FAT3: variants seen among roughly 807,000 people sequenced by gnomAD.
FAT3 encodes the protein protocadherin Fat 3.
A neutral mutation model predicts 310.2 loss-of-function variants in FAT3; 95 were observed. The ratio of observed to expected loss-of-function variants is 0.31; its 90% CI spans 0.26 to 0.36. The LOEUF (loss-of-function observed/expected upper bound fraction) is 0.36, where lower values mean the gene tolerates loss of function less well. Among genes scored for constraint, FAT3 ranks in the 10% least tolerant of loss-of-function variants. FAT3 has a pLI of 1.00. For synonymous variants in FAT3, 2,314 were observed against 2,192.9 expected (o/e 1.06, Z -1.54); for missense variants, 5,408 against 5,715.6 (o/e 0.95, Z 1.74).
intron 10 of FAT3, among the ~76,000 whole-genome samples, chr11:92,804,635 C>T (rs58775728): frequency 0.015 from 2,217 of 152,236 alleles, 67 homozygotes; most frequent in African/African-American, 0.051. Context: ...CCTCCTCTGT[C>T]GTGAAAACTT....
intron 3 of FAT3, among the ~76,000 whole-genome samples, chr11:92,592,588 G>A (rs1353004067): frequency 6.6e-6 from 1 of 151,870 alleles, no homozygotes; most frequent in Non-Finnish European, 1.5e-5. Context: ...CCAAAGTGCT[G>A]GGATTACAGG....
At chr11:92,533,002 G>T (rs1220554063) in intron 3 of FAT3, among the ~76,000 whole-genome samples, 2 of 152,102 alleles carry the variant, frequency 1.3e-5, no homozygotes, top group Non-Finnish European at 2.9e-5. Flanking sequence ...AACTGCAGAT[G>T]CATAGGGACT....
chr11:92,856,319 G>GT (rs71473977), intron 19 of FAT3, among the ~76,000 whole-genome samples: 32,908 of 151,986 alleles, frequency 0.22, 4,017 homozygotes, highest in Admixed American at 0.28. Flanking sequence ...TCAGTTGTGG[G>GT]TTTTTTTAAA....
chr11:92,471,947 A>ATATATG (rs1951918385), intron 2 of FAT3, among the ~76,000 whole-genome samples: 1 of 101,298 alleles, frequency 9.9e-6, no homozygotes, highest in South Asian at 3.3e-4. Context: ...ATATATATAT[A>ATATATG]TATATATATT....
chr11:92,421,767 G>A lies in FAT3; in HGVS notation c.3292+66363G>A, dbSNP rs141293719. On this transcript the variant is annotated intron_variant, in intron 2 of 27. Coordinates refer to ENST00000525166, the MANE Select transcript of FAT3 (RefSeq NM_001367949.2). ...CTCTTGAGGACTGAGTCAACTCTCC[G>A]TCTCTAAGTGGGGTAGGTGAAATGC... 1.6e-3 allele frequency among the ~76,000 whole-genome samples: 250 copies of A among 152,202 alleles called. 1 individual carries two copies. Among genetic ancestry groups the A allele is most frequent in the African/African-American group, 2.2e-3 (91 of 41,520 alleles).
intron 10 of FAT3, 23 bp from the exon 11 acceptor site, chr11:92,805,128 AGC>A: frequency 1.9e-6 from 3 of 1,598,932 alleles, no homozygotes; most frequent in Non-Finnish European, 2.6e-6. Context: ...CATCTTCAAA[AGC>A]TCTTTTGTTT....
intron 13 of FAT3, among the ~76,000 whole-genome samples, chr11:92,818,311 C>A (rs897507761): frequency 2.0e-5 from 3 of 151,892 alleles, no homozygotes; most frequent in Non-Finnish European, 2.9e-5. Flanking sequence ...AAAAAAGAGG[C>A]ACATCTGACA....
At chr11:92,767,964 A>G (rs1433161892) in intron 6 of FAT3, among the ~76,000 whole-genome samples, 2 of 152,114 alleles carry the variant, frequency 1.3e-5, no homozygotes, top group African/African-American at 2.4e-5. Context: ...CCTACACACT[A>G]TGCACCTTTG....
intron 2 of FAT3, chr11:92,367,036 T>C (rs1338859748): frequency 3.9e-6 from 2 of 508,946 alleles, no homozygotes; most frequent in African/African-American, 1.9e-5. Context: ...ATCAATAACA[T>C]CTAGCACTGT....
intron 1 of FAT3, among the ~76,000 whole-genome samples, chr11:92,272,999 A>AT (rs1455365791): frequency 6.6e-6 from 1 of 152,058 alleles, no homozygotes; most frequent in Non-Finnish European, 1.5e-5. Context: ...TCATAAACAG[A>AT]TTTTTCCTAA....
chr11:92,232,141 G>A (rs555147235), intron 1 of FAT3, among the ~76,000 whole-genome samples: 2 of 152,174 alleles, frequency 1.3e-5, no homozygotes, highest in Admixed American at 1.3e-4. Flanking sequence ...TTCTCAGATT[G>A]GCCTGGCTAT....
intron 2 of FAT3, among the ~76,000 whole-genome samples, chr11:92,415,574 T>C (rs1591257390): frequency 6.6e-6 from 1 of 152,252 alleles, no homozygotes; most frequent in East Asian, 1.9e-4. Context: ...CAGATGCCAG[T>C]GGCTGTGGTT....
chr11:92,525,821 T>C (rs1354359019), intron 3 of FAT3, among the ~76,000 whole-genome samples: 1 of 152,170 alleles, frequency 6.6e-6, no homozygotes, highest in Non-Finnish European at 1.5e-5. Context: ...CAAACTCAGC[T>C]CTCCTAATGA....
At position 92,832,001 on chromosome 11, in the gene FAT3, C is replaced by A; in HGVS notation, c.9861C>A (p.Asn3287Lys). 1 of 1,544,306 alleles carries A rather than the reference C, an allele frequency of 6.5e-7. No individual in the cohort carries two copies. Among genetic ancestry groups the A allele is most frequent in the Non-Finnish European group, 8.7e-7 (1 of 1,145,260 alleles). ...ACGAACAAGGGAAATTTAAGATCAACCCCAAGACAGGTGGGTAAATAGCAC... is the reference window on the plus strand; with the variant it reads ...ACGAACAAGGGAAATTTAAGATCAAACCCAAGACAGGTGGGTAAATAGCAC... Reference protein sequence around the residue: ...SGNEQGKFKINPKTGGISVSE... With the variant: ...SGNEQGKFKIKPKTGGISVSE... Residue 3287 changes from asparagine (N) to lysine (K), a missense_variant, in exon 14 of 28, where the codon AAC becomes AAA. Asn to Lys is a moderately conservative substitution (Grantham distance 94). Transcript: ENST00000525166.
At chr11:92,658,233 A>T (rs1942648846) in intron 3 of FAT3, among the ~76,000 whole-genome samples, 1 of 152,246 alleles carries the variant, frequency 6.6e-6, no homozygotes, top group African/African-American at 2.4e-5. Flanking sequence ...TGGAAAAATA[A>T]GCTCACTTAA....
chr11:92,845,727 G>A (rs1270364405), intron 19 of FAT3, among the ~76,000 whole-genome samples: 1 of 152,174 alleles, frequency 6.6e-6, no homozygotes, highest in Non-Finnish European at 1.5e-5. Context: ...TGGTCCAAAG[G>A]GACCATGGCC....
At chr11:92,438,220 T>C (rs1950989188) in intron 2 of FAT3, among the ~76,000 whole-genome samples, 1 of 152,218 alleles carries the variant, frequency 6.6e-6, no homozygotes, top group Admixed American at 6.5e-5. Context: ...TTTCATGTCA[T>C]CTAGCCATTA....
At chr11:92,751,540 C>A (rs1945828591) in intron 4 of FAT3, among the ~76,000 whole-genome samples, 1 of 152,092 alleles carries the variant, frequency 6.6e-6, no homozygotes, top group Non-Finnish European at 1.5e-5. Flanking sequence ...TCTAATTGCA[C>A]AAAATAAGGT....
chr11:92,801,275 C>T lies in FAT3; in HGVS notation c.8262C>T (p.Gly2754=), dbSNP rs748334934. 19 of 1,613,684 alleles carry T rather than the reference C, an allele frequency of 1.2e-5. No homozygotes were observed. The highest frequency in any genetic ancestry group is 5.3e-5 in the African/African-American group (4 of 74,884). Residue 2754 remains glycine, a synonymous_variant, in exon 10 of 28, where the codon GGC becomes GGT. Transcript: ENST00000525166. The part of the protein sequence containing the change: ...NGERPENNKG[G]IFVIEQETGT... ...AACGGCCAGAAAATAACAAAGGGGG[C>T]ATATTCGTCATAGAACAGGAAACAG...
Sources: allele counts gnomAD v4.1 joint callset (sites outside exome capture counted in the v4.1 genomes callset), GRCh38; gene constraint gnomAD v4.1.1; transcripts MANE v1.5; gene names NCBI Gene and HGNC (gene_info 2026-07-23, HGNC 2026-07-21).